The following POLR2E variants were observed in gnomAD, a reference collection of about 807,000 sequenced individuals.
The protein encoded by POLR2E is RNA polymerase II, I and III subunit E, also known as DNA-directed RNA polymerases I, II, and III subunit RPABC1.
POLR2E carries 35 observed loss-of-function variants against 29.8 expected under a neutral mutation model. The observed-to-expected ratio is 1.17, with a 90% confidence interval of 0.90 to 1.55. POLR2E has a LOEUF of 1.55. Among genes scored for constraint, POLR2E ranks in the 40% most tolerant of loss-of-function variants. The probability of loss-of-function intolerance (pLI) is 0.00; values close to 1 mark genes in which losing one functional copy is unlikely to be tolerated. For synonymous variants in POLR2E, 174 were observed against 112.6 expected (o/e 1.55, Z -3.45); for missense variants, 287 against 288.6 (o/e 0.99, Z 0.04).
rs771636435 is a variant in POLR2E, at chr19:1,093,847, C to T, written c.232+57G>A. On this transcript the variant is annotated intron_variant, in intron 2 of 7. Coordinates refer to ENST00000615234, the MANE Select transcript of POLR2E (RefSeq NM_002695.5). Reference sequence around the variant, plus strand: ...AGTGGGGGTGGGTGCTAGCGACCGGCTCCTCGGCAGGTGCTCTGGTGGCTT... The same window carrying T: ...AGTGGGGGTGGGTGCTAGCGACCGGTTCCTCGGCAGGTGCTCTGGTGGCTT... The T allele has an allele frequency of 1.9e-5, 29 of 1,503,634 alleles. No homozygotes were observed. In the East Asian group the frequency reaches 6.2e-4, roughly 32 times the overall value. 93.1% of individuals were successfully genotyped at this position (1,503,634 alleles called of 1,614,324 possible).
rs970866012 is a variant in POLR2E, at chr19:1,086,736, C to T, written c.*1999G>A. The T allele has an allele frequency of 1.3e-5, 2 of 152,148 alleles. No homozygotes were observed. The highest frequency in any genetic ancestry group is 6.5e-5 in the Admixed American group (1 of 15,274). 9.4% of individuals were successfully genotyped at this position (152,148 alleles called of 1,614,324 possible). Reference sequence around the variant, plus strand: ...AGAGCCCCGTGGCGTGGCCCTGGGCCTCCCCCTAGGGGAGGGATGTGTGAG... The same window carrying T: ...AGAGCCCCGTGGCGTGGCCCTGGGCTTCCCCCTAGGGGAGGGATGTGTGAG... On this transcript the variant is annotated 3_prime_UTR_variant, in exon 8 of 8. Transcript: ENST00000615234.
At position 1,095,239 on chromosome 19, in the gene POLR2E, C is replaced by T; in HGVS notation, c.57+20G>A. On this transcript the variant is annotated intron_variant, in intron 1 of 7. Transcript: ENST00000615234. ...CACCCGCCGCCCGCGCCCCCGCCCC[C>T]AACACCAGGCGCGGCTCACCTGCAT... The T allele has an allele frequency of 1.2e-6, 2 of 1,611,914 alleles. No homozygotes were observed. The highest frequency in any genetic ancestry group is 2.2e-5 in the East Asian group (1 of 44,812).
chr19:1,088,644 T>G lies in POLR2E; in HGVS notation c.*91A>C, dbSNP rs572554404. Reference sequence around the variant, plus strand: ...CCAGAGGAGCAGCAGCCGTGAGAGCTGTGGGGGCCGGATTCTGGCAGGGCA... The same window carrying G: ...CCAGAGGAGCAGCAGCCGTGAGAGCGGTGGGGGCCGGATTCTGGCAGGGCA... On this transcript the variant is annotated 3_prime_UTR_variant, in exon 8 of 8. Coordinates refer to ENST00000615234, the MANE Select transcript of POLR2E (RefSeq NM_002695.5). 6.6e-6 allele frequency: 1 copy of G among 152,268 alleles called. No individual in the cohort carries two copies. Among genetic ancestry groups the G allele is most frequent in the East Asian group, 1.9e-4 (1 of 5,178 alleles). 9.4% of individuals were successfully genotyped at this position (152,268 alleles called of 1,614,324 possible). A position where few individuals can be genotyped will look rare whatever the true frequency, so the allele number is the denominator to read the frequency against.
intron 6 of POLR2E, 76 bp from the exon 7 acceptor site, chr19:1,089,627 C>A: frequency 1.5e-6 from 2 of 1,309,406 alleles, no homozygotes; most frequent in Admixed American, 1.7e-5. Context: ...GCGGGCAGCA[C>A]ACGGGCTGGG....
At chr19:1,091,413 G>A (rs111510495) in intron 3 of POLR2E, 71 of 369,928 alleles carry the variant, frequency 1.9e-4, no homozygotes, top group African/African-American at 1.0e-3. Flanking sequence ...CGGGGAACAC[G>A]GATAGGCCCC....
chr19:1,089,683 C>A, intron 6 of POLR2E, 132 bp from the exon 7 acceptor site: 2 of 848,248 alleles, frequency 2.4e-6, no homozygotes, highest in East Asian at 5.3e-5. Flanking sequence ...GCTGTGGGAC[C>A]CGCTCCCTGG....
At chr19:1,094,118 A>G (rs1231298292) in intron 1 of POLR2E, 40 bp from the exon 2 acceptor site, 3 of 1,570,632 alleles carry the variant, frequency 1.9e-6, no homozygotes, top group Admixed American at 3.7e-5. Flanking sequence ...GGGCAGAGAG[A>G]GGAAGGCGGC....
chr19:1,089,351 CTGGGCTGGTGCTAGGAGGGTCTTGCT>C, intron 7 of POLR2E, 95 bp downstream of exon 7: 1 of 666,796 alleles, frequency 1.5e-6, no homozygotes. Context: ...GGTGGCCCAG[CTGGGCTGGTGCTAGGAGGGTCTTGCT>C]GCCGGACAAA....
rs554538201 is a variant in POLR2E, at chr19:1,087,525, A to T, written c.*1210T>A. The T allele has an allele frequency of 2.0e-5, 3 of 151,266 alleles. No homozygotes were observed. The highest frequency in any genetic ancestry group is 7.3e-5 in the African/African-American group (3 of 41,240). The allele number at this position is 151,266 out of a possible 1,614,324, so 9.4% of individuals were successfully genotyped here. A position where few individuals can be genotyped will look rare whatever the true frequency, so the allele number is the denominator to read the frequency against. ...ACACTCTGTCCCCTCCCTCCTCCCC[A>T]GCCCTGGGAACCCCCATCCCCACCC... On this transcript the variant is annotated 3_prime_UTR_variant, in exon 8 of 8. Transcript: ENST00000615234.
In POLR2E at chr19:1,086,711, A is replaced by G. The variant is rs962408002; in HGVS notation, c.*2024T>C. On this transcript the variant is annotated 3_prime_UTR_variant, in exon 8 of 8. Coordinates refer to ENST00000615234, the MANE Select transcript of POLR2E (RefSeq NM_002695.5). ...AGAAGGGGCCAGGGAGGGGACAGAG[A>G]GAGCCCCGTGGCGTGGCCCTGGGCC... 1.3e-5 allele frequency: 2 copies of G among 151,886 alleles called. No individual in the cohort carries two copies. Among genetic ancestry groups the G allele is most frequent in the Non-Finnish European group, 3.0e-5 (2 of 67,684 alleles). The allele number at this position is 151,886 out of a possible 1,614,324, so 9.4% of individuals were successfully genotyped here. A position where few individuals can be genotyped will look rare whatever the true frequency, so the allele number is the denominator to read the frequency against.
chr19:1,094,439 G>A (rs762473465), intron 1 of POLR2E: 12 of 239,580 alleles, frequency 5.0e-5, no homozygotes, highest in Admixed American at 3.4e-4. Context: ...CAGTACTTAG[G>A]GAGGCTGAGG....
chr19:1,089,802 C>T, intron 6 of POLR2E, 82 bp downstream of exon 6: 7 of 1,130,344 alleles, frequency 6.2e-6, no homozygotes, highest in Middle Eastern at 2.9e-4. Flanking sequence ...GGGGGAGGGG[C>T]TGTCGGGGAG....
chr19:1,093,594 TG>T, intron 2 of POLR2E: 1 of 374,606 alleles, frequency 2.7e-6, no homozygotes. Flanking sequence ...ACGGCCAGGA[TG>T]GGGGAGCCAA....
chr19:1,094,387 G>T (rs1477044367), intron 1 of POLR2E: 4 of 363,960 alleles, frequency 1.1e-5, no homozygotes, highest in Non-Finnish European at 2.0e-5. Flanking sequence ...TACCCTAAAG[G>T]CAGGGACAAA....
chr19:1,092,057 G>C (rs2043844441), intron 2 of POLR2E, 150 bp from the exon 3 acceptor site: 1 of 622,332 alleles, frequency 1.6e-6, no homozygotes, highest in South Asian at 1.8e-5. Context: ...AACGAGGCCT[G>C]AGTTGCAGGA....
chr19:1,089,639 A>C (rs889562284), intron 6 of POLR2E, 88 bp from the exon 7 acceptor site: 4 of 1,184,392 alleles, frequency 3.4e-6, no homozygotes, highest in Non-Finnish European at 3.8e-6. Context: ...CGGGCTGGGG[A>C]TGGCCGGCAG....
intron 3 of POLR2E, 125 bp downstream of exon 3, chr19:1,091,667 C>T (rs1381339118): frequency 5.9e-6 from 4 of 675,458 alleles, no homozygotes; most frequent in Non-Finnish European, 1.1e-5. Flanking sequence ...ATCCCGGCCA[C>T]ATCCTCCAGG....
rs916912111 is a variant in POLR2E, at chr19:1,095,330, C to G, written c.-15G>C. ...TCGTCGTCCATGGCAGCCTCCGCCG[C>G]CGCCGCCGCTCGCACCCCTTCTCCG... On this transcript the variant is annotated 5_prime_UTR_variant, in exon 1 of 8. Transcript: ENST00000615234. 1.2e-6 allele frequency: 2 copies of G among 1,612,442 alleles called. No individual in the cohort carries two copies. The highest frequency in any genetic ancestry group is 1.7e-6 in the Non-Finnish European group (2 of 1,179,546).
chr19:1,095,123 C>A, intron 1 of POLR2E, 136 bp downstream of exon 1: 1 of 902,484 alleles, frequency 1.1e-6, no homozygotes, highest in Non-Finnish European at 1.7e-6. Context: ...CCGGCGACCT[C>A]TGGGCCTCCC....
Sources: allele counts gnomAD v4.1 joint callset, GRCh38; gene constraint gnomAD v4.1.1; transcripts MANE v1.5; gene names NCBI Gene and HGNC (gene_info 2026-07-23, HGNC 2026-07-21).